GREB1L: variants seen among roughly 807,000 people sequenced by gnomAD.
GREB1L encodes GREB1 like retinoic acid receptor coactivator.
GREB1L carries 17 observed loss-of-function variants against 200.8 expected under a neutral mutation model. That is an observed-to-expected ratio of 0.08 (90% confidence interval 0.06 to 0.13). GREB1L has a LOEUF of 0.13. Among genes scored for constraint, GREB1L ranks in the 10% least tolerant of loss-of-function variants. The pLI is 1.00. For missense variants in GREB1L, 1,657 were observed against 2,367.7 expected (o/e 0.70, Z 6.23); for synonymous variants, 789 against 893.0 (o/e 0.88, Z 2.08).
Position 21,490,238 on chromosome 18 carries a change from G to A in GREB1L, c.2917G>A (p.Glu973Lys). 6.4e-7 allele frequency: 1 copy of A among 1,551,792 alleles called. No homozygotes were observed. Among genetic ancestry groups the A allele is most frequent in the Non-Finnish European group, 8.7e-7 (1 of 1,147,020 alleles). Residue 973 changes from glutamate (E) to lysine (K), a missense_variant, in exon 19 of 33, where the codon GAG becomes AAG. Around this residue, in one of 9 missense-constraint regions of GREB1L, gnomAD observed 512 missense variants for 668.3 expected, o/e 0.77. Transcript: ENST00000424526. The part of the protein sequence containing the change: ...PSVQLAMLAK[E>K]RLQEVRDKLG... ...GGTGCAGCTGGCGATGTTAGCCAAG[G>A]AGCGGCTACAGGAGGTGCGCGACAA... is the stretch of plus-strand genomic sequence containing the variant.
chr18:21,395,105 C>CA (rs372663303), intron 4 of GREB1L, among the ~76,000 whole-genome samples: 1,144 of 63,534 alleles, frequency 0.018, 11 homozygotes, highest in Non-Finnish European at 0.031. Flanking sequence ...GACTCCATCT[C>CA]AAAAAAAAAA....
intron 8 of GREB1L, among the ~76,000 whole-genome samples, chr18:21,439,927 T>C (rs1202958640): frequency 6.6e-6 from 1 of 152,220 alleles, no homozygotes; most frequent in Non-Finnish European, 1.5e-5. Context: ...TGTTGTGTGA[T>C]CCTGAACAAA....
rs898549337 is a variant in GREB1L, at chr18:21,523,853, T to C, written c.*1032T>C. ...GGAAATTGAGCCATAGAAAGAGAAA[T>C]GTTTTTTTACTTAATCTTACCAGTG... On this transcript the variant is annotated 3_prime_UTR_variant, in exon 33 of 33. Coordinates refer to ENST00000424526, the MANE Select transcript of GREB1L (RefSeq NM_001142966.3). 2.6e-5 allele frequency: 4 copies of C among 152,134 alleles called. No homozygotes were observed. Among genetic ancestry groups the C allele is most frequent in the Non-Finnish European group, 5.9e-5 (4 of 68,020 alleles). The allele number at this position is 152,134 out of a possible 1,614,324, so 9.4% of individuals were successfully genotyped here. A position where few individuals can be genotyped will look rare whatever the true frequency, so the allele number is the denominator to read the frequency against.
intron 1 of GREB1L, among the ~76,000 whole-genome samples, chr18:21,357,471 A>C (rs191904434): frequency 6.6e-6 from 1 of 152,330 alleles, no homozygotes; most frequent in East Asian, 1.9e-4. Flanking sequence ...GCTGTGCAGA[A>C]GCTGTTTAAT....
intron 1 of GREB1L, among the ~76,000 whole-genome samples, chr18:21,281,152 A>G (rs919622128): frequency 2.6e-4 from 39 of 152,216 alleles, no homozygotes; most frequent in African/African-American, 8.9e-4. Context: ...ACTTTGTAAA[A>G]GAGAATTTCA....
At chr18:21,297,686 A>G (rs1426881456) in intron 1 of GREB1L, among the ~76,000 whole-genome samples, 3 of 152,164 alleles carry the variant, frequency 2.0e-5, no homozygotes, top group African/African-American at 7.2e-5. Flanking sequence ...GCACTTATAT[A>G]CCATTCCCAA....
At position 21,514,070 on chromosome 18, in the gene GREB1L, G is replaced by A. The variant is rs377391836; in HGVS notation, c.4901+84G>A. 6.7e-5 allele frequency: 88 copies of A among 1,307,020 alleles called. No homozygotes were observed. The East Asian group carries it at 8.0e-4, about 12-fold the overall frequency. The allele number at this position is 1,307,020 out of a possible 1,614,324, so 81.0% of individuals were successfully genotyped here. On this transcript the variant is annotated intron_variant, in intron 28 of 32. Transcript: ENST00000424526. The stretch of plus-strand genomic sequence containing the variant: ...TGACTACAGTTACATACGGAAGTAA[G>A]AAAGAGAGAGACAGCTTTCCAGAGC...
intron 1 of GREB1L, among the ~76,000 whole-genome samples, chr18:21,329,122 G>A (rs1306035185): frequency 6.6e-6 from 1 of 152,044 alleles, no homozygotes; most frequent in Non-Finnish European, 1.5e-5. Context: ...CTGGGAGTTT[G>A]AGACCAGCCT....
intron 1 of GREB1L, among the ~76,000 whole-genome samples, chr18:21,325,005 A>G (rs530751554): frequency 6.6e-6 from 1 of 152,310 alleles, no homozygotes; most frequent in African/African-American, 2.4e-5. Flanking sequence ...TTGCCTTTTC[A>G]TTGCTCTCAA....
chr18:21,384,349 C>G lies in GREB1L; in HGVS notation c.301C>G (p.Pro101Ala). 6.4e-7 allele frequency: 1 copy of G among 1,551,758 alleles called. No individual in the cohort carries two copies. Among genetic ancestry groups the G allele is most frequent in the Non-Finnish European group, 8.7e-7 (1 of 1,146,956 alleles). Residue 101 changes from proline (P) to alanine (A), a missense_variant, in exon 4 of 33, where the codon CCA (proline) becomes GCA (alanine). Coordinates refer to ENST00000424526, the MANE Select transcript of GREB1L (RefSeq NM_001142966.3). ...TGAAGAAATGTCTGATTCAAACAGC[C>G]CACCAATTCCCTATTCACAAAAACC... ...DDEEMSDSNS[P>A]PIPYSQKPAP...
At chr18:21,469,551 G>C (rs1165898868) in intron 15 of GREB1L, among the ~76,000 whole-genome samples, 1 of 152,168 alleles carries the variant, frequency 6.6e-6, no homozygotes, top group Non-Finnish European at 1.5e-5. Flanking sequence ...TTGTATTGAA[G>C]AATGGTATTT....
At chr18:21,275,683 T>C (rs1206998381) in intron 1 of GREB1L, among the ~76,000 whole-genome samples, 2 of 152,154 alleles carry the variant, frequency 1.3e-5, no homozygotes, top group Non-Finnish European at 2.9e-5. Context: ...ATTCTCTACA[T>C]ATAAAACATT....
chr18:21,522,970 G>A lies in GREB1L; in HGVS notation c.*149G>A, dbSNP rs2037629342. The A allele has an allele frequency of 1.5e-6, 1 of 674,922 alleles. No individual in the cohort carries two copies. The highest frequency in any genetic ancestry group is 2.9e-5 in the East Asian group (1 of 34,968). The allele number at this position is 674,922 out of a possible 1,614,324, so 41.8% of individuals were successfully genotyped here. ...ATTCTCCAAAGAACTCCCCAAATCT[G>A]ATCCAGGTCTTTGGGGACATCACTT... On this transcript the variant is annotated 3_prime_UTR_variant, in exon 33 of 33. Coordinates refer to ENST00000424526, the MANE Select transcript of GREB1L (RefSeq NM_001142966.3).
At chr18:21,287,836 C>T (rs971253208) in intron 1 of GREB1L, among the ~76,000 whole-genome samples, 2 of 150,212 alleles carry the variant, frequency 1.3e-5, no homozygotes, top group Non-Finnish European at 3.0e-5. Flanking sequence ...CTCTTGTTGC[C>T]CAGGCTGGAG....
intron 25 of GREB1L, among the ~76,000 whole-genome samples, chr18:21,507,466 T>C (rs997482254): frequency 1.3e-5 from 2 of 152,226 alleles, no homozygotes; most frequent in South Asian, 2.1e-4. Flanking sequence ...CCAAATCTTA[T>C]CCACATTAAA....
chr18:21,366,662 A>T (rs955982322), intron 2 of GREB1L, among the ~76,000 whole-genome samples: 1 of 121,220 alleles, frequency 8.2e-6, no homozygotes, highest in African/African-American at 3.2e-5. Flanking sequence ...CTTGCTTAGA[A>T]TTGAGAATTT....
intron 1 of GREB1L, among the ~76,000 whole-genome samples, chr18:21,296,057 C>T: frequency 6.6e-6 from 1 of 152,170 alleles, no homozygotes; most frequent in Non-Finnish European, 1.5e-5. Flanking sequence ...ACAATTTGAC[C>T]TAGGAATCCC....
rs1031850949 is a variant in GREB1L at position 21,500,270 on chromosome 18, C to T, written c.3933C>T (p.Phe1311=). The T allele has an allele frequency of 1.4e-6, 2 of 1,433,892 alleles. No homozygotes were observed. Among genetic ancestry groups the T allele is most frequent in the Non-Finnish European group, 9.5e-7 (1 of 1,051,922 alleles). 88.8% of individuals were successfully genotyped at this position (1,433,892 alleles called of 1,614,324 possible). The part of the protein sequence containing the change: ...QLDPASGTRN[F]HPRRLLLTGP... ...ACCCGGCCTCTGGCACCCGAAACTT[C>T]CACCCCCGACGGCTCCTGCTGACAG... Residue 1311 remains phenylalanine, a synonymous_variant, in exon 22 of 33, where the codon TTC becomes TTT. Coordinates refer to ENST00000424526, the MANE Select transcript of GREB1L (RefSeq NM_001142966.3).
chr18:21,472,778 T>G (rs1243341854), intron 15 of GREB1L, among the ~76,000 whole-genome samples: 2 of 152,198 alleles, frequency 1.3e-5, no homozygotes, highest in East Asian at 3.9e-4. Flanking sequence ...GCTGCCTTTA[T>G]CTCATGTACC....
Sources: allele counts gnomAD v4.1 joint callset (sites outside exome capture counted in the v4.1 genomes callset), GRCh38; gene constraint gnomAD v4.1.1; regional missense constraint gnomAD v4.1.1; transcripts MANE v1.5; gene names NCBI Gene and HGNC (gene_info 2026-07-23, HGNC 2026-07-21).